SLC44A5: variants seen among roughly 807,000 people sequenced by gnomAD.
SLC44A5 encodes choline transporter-like protein 5.
Under a neutral mutation model 101.8 loss-of-function variants are expected in SLC44A5, and 57 were observed. That is an observed-to-expected ratio of 0.56 (90% CI 0.45 to 0.70). The LOEUF is 0.70. Among genes scored for constraint, SLC44A5 ranks in the 30% least tolerant of loss-of-function variants. The probability of loss-of-function intolerance (pLI) is 0.00; values close to 1 mark genes in which losing one functional copy is unlikely to be tolerated. For missense variants in SLC44A5, 737 were observed against 853.1 expected (o/e 0.86, Z 1.70); for synonymous variants, 281 against 290.9 (o/e 0.97, Z 0.35).
chr1:75,291,829 GTGAAACCCCGTT>G lies in SLC44A5; in HGVS notation c.175+8771_175+8782del, dbSNP rs920303492. On this transcript the variant is annotated intron_variant, in intron 5 of 23. Transcript: ENST00000370859. ...GATCGAGACCATCCTGGCTAACATG[GTGAAACCCCGTT>G]TCTACTAAAAAATACAAAAAATTAG... Among the ~76,000 whole-genome samples the G allele has an allele frequency of 3.0e-4, 45 of 152,064 alleles. 1 individual carries two copies. Among genetic ancestry groups the G allele is most frequent in the African/African-American group, 1.1e-3 (45 of 41,506 alleles).
At chr1:75,545,090 G>A (rs1021223855) in intron 1 of SLC44A5, among the ~76,000 whole-genome samples, 3 of 151,918 alleles carry the variant, frequency 2.0e-5, no homozygotes, top group African/African-American at 4.8e-5. Flanking sequence ...TCCCACTTAT[G>A]AGTGGGAACA....
chr1:75,310,462 T>C (rs1009069857), intron 4 of SLC44A5, among the ~76,000 whole-genome samples: 2 of 152,340 alleles, frequency 1.3e-5, no homozygotes, highest in South Asian at 4.1e-4. Flanking sequence ...CTTTAGCTCA[T>C]TGGCTATTCC....
chr1:75,453,705 G>A (rs1011067314), intron 2 of SLC44A5, among the ~76,000 whole-genome samples: 7 of 152,050 alleles, frequency 4.6e-5, no homozygotes, highest in African/African-American at 1.2e-4. Context: ...AATCACCAGC[G>A]ACAATGATGA....
intron 5 of SLC44A5, among the ~76,000 whole-genome samples, chr1:75,286,726 A>G (rs1445788443): frequency 2.6e-5 from 4 of 151,328 alleles, no homozygotes. Flanking sequence ...TTTTTTTTTC[A>G]TTTATGAAAC....
At chr1:75,368,674 A>AC (rs373542619) in intron 3 of SLC44A5, among the ~76,000 whole-genome samples, 12,074 of 148,290 alleles carry the variant, frequency 0.081, 644 homozygotes, top group Admixed American at 0.18. Flanking sequence ...CACACACACC[A>AC]CACTCAAATT....
chr1:75,516,495 G>T (rs1022529547), intron 2 of SLC44A5, among the ~76,000 whole-genome samples: 2 of 151,810 alleles, frequency 1.3e-5, no homozygotes, highest in African/African-American at 4.8e-5. Flanking sequence ...CCAGCCTGGG[G>T]GACAGAGCAA....
chr1:75,646,363 T>G, the SLC44A5 span, among the ~76,000 whole-genome samples: 1 of 151,946 alleles, frequency 6.6e-6, no homozygotes, highest in African/African-American at 2.4e-5. Context: ...TTGTAAGTTG[T>G]ATTCCTAGGT....
At chr1:75,224,948 T>C (rs1015738957) in intron 13 of SLC44A5, among the ~76,000 whole-genome samples, 5 of 152,272 alleles carry the variant, frequency 3.3e-5, no homozygotes, top group African/African-American at 1.2e-4. Context: ...GTAAAAGTTA[T>C]AGTAAGCTTA....
At chr1:75,330,371 T>G (rs1235992250) in intron 4 of SLC44A5, among the ~76,000 whole-genome samples, 6 of 151,754 alleles carry the variant, frequency 4.0e-5, no homozygotes, top group African/African-American at 1.5e-4. Context: ...TGGCCTTACC[T>G]CATAATTTAT....
the SLC44A5 span, among the ~76,000 whole-genome samples, chr1:75,700,938 C>T: frequency 6.6e-6 from 1 of 152,132 alleles, no homozygotes; most frequent in African/African-American, 2.4e-5. Flanking sequence ...AGACATACAG[C>T]CTCCCAAGAC....
intron 1 of SLC44A5, among the ~76,000 whole-genome samples, chr1:75,571,693 A>G (rs762914605): frequency 1.8e-4 from 27 of 152,340 alleles, no homozygotes; most frequent in Admixed American, 4.6e-4. Flanking sequence ...TTGGTAGGTT[A>G]GGTGTATTAA....
chr1:75,353,985 C>T (rs1387607350), intron 3 of SLC44A5: 1 of 354,462 alleles, frequency 2.8e-6, no homozygotes, highest in African/African-American at 2.2e-5. Context: ...ACATTGTATT[C>T]ACTTGAAGGC....
At chr1:75,257,670 C>T (rs377464136) in intron 6 of SLC44A5, among the ~76,000 whole-genome samples, 11 of 152,136 alleles carry the variant, frequency 7.2e-5, no homozygotes, top group African/African-American at 2.2e-4. Context: ...TGCCTGGAGA[C>T]TGCATAACAG....
chr1:75,303,268 C>T (rs903421187), intron 4 of SLC44A5, among the ~76,000 whole-genome samples: 10 of 152,150 alleles, frequency 6.6e-5, no homozygotes, highest in Non-Finnish European at 2.9e-5. Context: ...CGGAGTCTTG[C>T]TCTGTCACCC....
At chr1:75,608,555 C>T (rs1218585868) in intron 1 of SLC44A5, among the ~76,000 whole-genome samples, 1 of 151,906 alleles carries the variant, frequency 6.6e-6, no homozygotes, top group Non-Finnish European at 1.5e-5. Flanking sequence ...TGAACTGGTG[C>T]CACATTTCCC....
the SLC44A5 span, among the ~76,000 whole-genome samples, chr1:75,713,497 G>T: frequency 6.6e-6 from 1 of 152,120 alleles, no homozygotes; most frequent in South Asian, 2.1e-4. Flanking sequence ...GGAACTGCAG[G>T]TTAAGAACCA....
intron 6 of SLC44A5, among the ~76,000 whole-genome samples, chr1:75,269,985 G>C (rs975667807): frequency 2.0e-5 from 3 of 152,050 alleles, no homozygotes; most frequent in Admixed American, 1.3e-4. Flanking sequence ...TTTCATAAGG[G>C]GAAACCCCTT....
intron 1 of SLC44A5, among the ~76,000 whole-genome samples, chr1:75,610,351 C>T (rs1473390317): frequency 6.6e-6 from 1 of 152,008 alleles, no homozygotes. Context: ...CTTCACTTTT[C>T]TAAAAAGTGC....
At chr1:75,372,891 G>A (rs1040276482) in intron 3 of SLC44A5, among the ~76,000 whole-genome samples, 1 of 152,090 alleles carries the variant, frequency 6.6e-6, no homozygotes, top group Admixed American at 6.5e-5. Flanking sequence ...TTGACATTCA[G>A]TCCAATGAAG....
Sources: gnomAD v4.1 joint callset for allele counts (sites outside exome capture counted in the v4.1 genomes callset) on GRCh38, gnomAD v4.1.1 for gene constraint, MANE v1.5 for transcripts, NCBI Gene and HGNC (gene_info 2026-07-23, HGNC 2026-07-21) for gene names.